Variants in KCNH7 observed in about 807,000 individuals in gnomAD.
KCNH7 encodes the protein potassium voltage-gated channel subfamily H member 7.
Under a neutral mutation model 120.8 loss-of-function variants are expected in KCNH7, and 49 were observed. The ratio of observed to expected loss-of-function variants is 0.41; its 90% CI spans 0.32 to 0.51. KCNH7 has a LOEUF of 0.51. KCNH7 is among the 20% of genes least tolerant of loss of function. The probability of loss-of-function intolerance (pLI) is 0.38; values close to 1 mark genes in which losing one functional copy is unlikely to be tolerated. For synonymous variants in KCNH7, 547 were observed against 516.1 expected (o/e 1.06, Z -0.81); for missense variants, 1,097 against 1,446.6 (o/e 0.76, Z 3.92).
intron 2 of KCNH7, among the ~76,000 whole-genome samples, chr2:162,760,979 G>A (rs1268642120): frequency 1.3e-5 from 2 of 152,034 alleles, no homozygotes; most frequent in African/African-American, 4.8e-5. Flanking sequence ...CTAGTTGCTT[G>A]GCTGTGATTT....
chr2:162,760,970 T>C (rs1259439139), intron 2 of KCNH7, among the ~76,000 whole-genome samples: 2 of 152,114 alleles, frequency 1.3e-5, no homozygotes, highest in African/African-American at 4.8e-5. Flanking sequence ...TCTATCATTC[T>C]AGTTGCTTGG....
intron 2 of KCNH7, among the ~76,000 whole-genome samples, chr2:162,544,073 G>T (rs369874870): frequency 1.3e-5 from 2 of 152,102 alleles, no homozygotes; most frequent in African/African-American, 4.8e-5. Flanking sequence ...ATAGTAGGGG[G>T]AAGGCCCTTT....
chr2:162,626,548 T>C (rs1432216374), intron 2 of KCNH7, among the ~76,000 whole-genome samples: 1 of 152,140 alleles, frequency 6.6e-6, no homozygotes, highest in Admixed American at 6.5e-5. Context: ...CCATGTCTGA[T>C]ATATGGTAAT....
chr2:162,566,462 C>T (rs1376691515), intron 2 of KCNH7, among the ~76,000 whole-genome samples: 2 of 151,978 alleles, frequency 1.3e-5, no homozygotes, highest in African/African-American at 4.8e-5. Flanking sequence ...GTCTATCCTG[C>T]AATCACAAAC....
intron 2 of KCNH7, among the ~76,000 whole-genome samples, chr2:162,748,948 TTCC>T (rs1688441575): frequency 8.3e-6 from 1 of 120,422 alleles, no homozygotes; most frequent in African/African-American, 3.3e-5. Flanking sequence ...CCTTCCTTCC[TTCC>T]TTCCTTCCTT....
At chr2:162,740,696 C>T (rs768827914) in intron 2 of KCNH7, among the ~76,000 whole-genome samples, 4 of 152,166 alleles carry the variant, frequency 2.6e-5, no homozygotes, top group Non-Finnish European at 4.4e-5. Context: ...TAATTCCTGG[C>T]CAGATCTTCA....
At chr2:162,620,161 TAG>T (rs200537689) in intron 2 of KCNH7, among the ~76,000 whole-genome samples, 3,729 of 149,364 alleles carry the variant, frequency 0.025, 163 homozygotes, top group African/African-American at 0.085. Flanking sequence ...GATATATATA[TAG>T]AGAGAGAGAT....
At chr2:162,743,690 A>C (rs1453853979) in intron 2 of KCNH7, among the ~76,000 whole-genome samples, 1 of 152,158 alleles carries the variant, frequency 6.6e-6, no homozygotes, top group Non-Finnish European at 1.5e-5. Flanking sequence ...TCTAGAGCAA[A>C]TTGTCAACAA....
At chr2:162,403,964 G>A (rs1687135355) in intron 9 of KCNH7, among the ~76,000 whole-genome samples, 1 of 151,820 alleles carries the variant, frequency 6.6e-6, no homozygotes, top group South Asian at 2.1e-4. Context: ...ATTTATCCAG[G>A]GCACCCCTTT....
intron 2 of KCNH7, among the ~76,000 whole-genome samples, chr2:162,745,890 A>C (rs2105419804): frequency 6.6e-6 from 1 of 152,090 alleles, no homozygotes. Flanking sequence ...AGTATTAAGG[A>C]GCACTTCAGT....
At chr2:162,576,321 G>A (rs191537105) in intron 2 of KCNH7, among the ~76,000 whole-genome samples, 80 of 152,046 alleles carry the variant, frequency 5.3e-4, no homozygotes, top group Admixed American at 4.4e-3. Context: ...CAACTTTGCC[G>A]GTCATATCAC....
In KCNH7 at chr2:162,756,798, G is replaced by A. The variant is rs76609739; in HGVS notation, c.307+79739C>T. ...TAATTAAACTAAATTAAAAGATTTA[G>A]AAGATTCGCTTTAAAGGACAATTTA... On this transcript the variant is annotated intron_variant, in intron 2 of 15. Transcript: ENST00000332142. 4.7e-3 allele frequency among the ~76,000 whole-genome samples: 710 copies of A among 152,212 alleles called. 27 individuals carry two copies. The East Asian group carries it at 0.1, about 22-fold the overall frequency.
chr2:162,548,323 G>A (rs1692549533), intron 2 of KCNH7, among the ~76,000 whole-genome samples: 1 of 152,214 alleles, frequency 6.6e-6, no homozygotes, highest in Admixed American at 6.5e-5. Flanking sequence ...GGAAACTGCA[G>A]CAGATACCTG....
At chr2:162,531,962 C>A (rs920559873) in intron 3 of KCNH7, among the ~76,000 whole-genome samples, 4 of 151,824 alleles carry the variant, frequency 2.6e-5, no homozygotes, top group South Asian at 2.1e-4. Context: ...CACAGTATAA[C>A]AATTTCCTTT....
intron 2 of KCNH7, among the ~76,000 whole-genome samples, chr2:162,764,053 AT>A (rs1689060546): frequency 6.6e-6 from 1 of 151,910 alleles, no homozygotes; most frequent in Admixed American, 6.6e-5. Context: ...CCTCTTTAGT[AT>A]TTCTTTCTTT....
At chr2:162,444,563 T>C (rs1346561671) in intron 7 of KCNH7, among the ~76,000 whole-genome samples, 1 of 152,200 alleles carries the variant, frequency 6.6e-6, no homozygotes, top group South Asian at 2.1e-4. Context: ...TTTTAGTGCA[T>C]TTTAAAATTC....
At chr2:162,679,284 C>T (rs1189508150) in intron 2 of KCNH7, among the ~76,000 whole-genome samples, 1 of 151,552 alleles carries the variant, frequency 6.6e-6, no homozygotes, top group African/African-American at 2.4e-5. Flanking sequence ...TCAGTCATCC[C>T]AGAGAACTGT....
At chr2:162,824,586 A>G (rs1030262770) in intron 2 of KCNH7, among the ~76,000 whole-genome samples, 1 of 152,104 alleles carries the variant, frequency 6.6e-6, no homozygotes, top group African/African-American at 2.4e-5. Context: ...GCAGCCTAGG[A>G]AGAGAATAAT....
chr2:162,621,763 G>C (rs914940778), intron 2 of KCNH7, among the ~76,000 whole-genome samples: 1 of 152,034 alleles, frequency 6.6e-6, no homozygotes, highest in Non-Finnish European at 1.5e-5. Context: ...GTTTTACATG[G>C]AAAATTGTTC....
Sources: gnomAD v4.1 joint callset for allele counts (sites outside exome capture counted in the v4.1 genomes callset) on GRCh38, gnomAD v4.1.1 for gene constraint, MANE v1.5 for transcripts, NCBI Gene and HGNC (gene_info 2026-07-23, HGNC 2026-07-21) for gene names.